CRAMP1: variants seen among roughly 807,000 people sequenced by gnomAD.
CRAMP1 encodes the protein protein cramped-like.
CRAMP1 carries 50 observed loss-of-function variants against 115.4 expected under a neutral mutation model. The ratio of observed to expected loss-of-function variants is 0.43; its 90% CI spans 0.35 to 0.55. The LOEUF is 0.55. Ranked by LOEUF, CRAMP1 falls within the 20% of genes least tolerant of loss-of-function variation. The pLI is 0.01. For synonymous variants in CRAMP1, 866 were observed against 745.4 expected, an observed-to-expected ratio of 1.16 and a Z score of -2.64; for missense variants, 1,679 against 1,721.7, an observed-to-expected ratio of 0.98 and a Z score of 0.44.
chr16:1,652,952 A>G, intron 7 of CRAMP1, 81 bp from the exon 8 acceptor site: 3 of 1,550,930 alleles, frequency 1.9e-6, no homozygotes, highest in Non-Finnish European at 2.6e-6. Context: ...AGCTGATTTC[A>G]CTGGTTTTTC....
intron 6 of CRAMP1, among the ~76,000 whole-genome samples, chr16:1,651,728 G>A (rs999114567): frequency 1.3e-5 from 2 of 150,652 alleles, no homozygotes; most frequent in Non-Finnish European, 3.0e-5. Context: ...ACCTAGAGGT[G>A]GATTGAGGTC....
Position 1,675,208 on chromosome 16 carries a change from C to T in CRAMP1, c.*1163C>T, listed in dbSNP as rs150958488. The T allele has an allele frequency of 6.7e-4, 102 of 152,480 alleles. No homozygotes were observed. Among genetic ancestry groups the T allele is most frequent in the Non-Finnish European group, 1.2e-3 (82 of 68,140 alleles). The allele number at this position is 152,480 out of a possible 1,614,324, so 9.4% of individuals were successfully genotyped here. ...GGGTGGCCAGCGTTCCTACTGCAGA[C>T]GGCCCAACATCCAGTCTTTCCCCAG... On this transcript the variant is annotated 3_prime_UTR_variant, in exon 21 of 21. Coordinates refer to ENST00000397412, the MANE Select transcript of CRAMP1 (RefSeq NM_020825.4).
chr16:1,669,002 T>C lies in CRAMP1; in HGVS notation c.3336T>C (p.Gly1112=), dbSNP rs902163492. The C allele has an allele frequency of 1.2e-5, 20 of 1,612,752 alleles. No individual in the cohort carries two copies. Among genetic ancestry groups the C allele is most frequent in the Non-Finnish European group, 8.5e-7 (1 of 1,179,402 alleles). Residue 1112 remains glycine (G), a splice_region_variant and synonymous_variant, in exon 19 of 21, where the codon GGT becomes GGC. Coordinates refer to ENST00000397412, the MANE Select transcript of CRAMP1 (RefSeq NM_020825.4). This position sits in a 1 kb window ranked among gnomAD's most constrained non-coding sequence, Gnocchi z 4.6. ...CTGATCTGGGATCTTGGTTGGCAGGTGAAGGAGTCCCTCTTTCTCCAGCAA... is the reference window on the plus strand; with the variant it reads ...CTGATCTGGGATCTTGGTTGGCAGGCGAAGGAGTCCCTCTTTCTCCAGCAA... ...IEIAISSGQY[G]EGVPLSPAKL... is the part of the protein sequence containing the mutation.
chr16:1,669,042 G>A lies in CRAMP1; in HGVS notation c.3376G>A (p.Asp1126Asn). Residue 1126 changes from aspartate (D) to asparagine (N), a missense_variant, in exon 19 of 21, where the codon GAC becomes AAC. Around this residue, in one of 8 missense-constraint regions of CRAMP1, gnomAD observed 709 missense variants for 741.9 expected, o/e 0.96. Transcript: ENST00000397412. This position sits in a 1 kb window ranked among gnomAD's most constrained non-coding sequence, Gnocchi z 4.6. The stretch of plus-strand genomic sequence containing the variant: ...TTCTCCAGCAAAACTGAATGGCAGT[G>A]ACAGTTCCAAGAGCCTTCCCTCCCC... ...PLSPAKLNGS[D>N]SSKSLPSPSS... 1 of 1,613,312 alleles carries A rather than the reference G, an allele frequency of 6.2e-7. No individual in the cohort carries two copies. Among genetic ancestry groups the A allele is most frequent in the African/African-American group, 1.3e-5 (1 of 75,036 alleles).
At chr16:1,652,627 G>A (rs1200507316) in intron 7 of CRAMP1, 46 bp downstream of exon 7, 1 of 1,492,504 alleles carries the variant, frequency 6.7e-7, no homozygotes, top group South Asian at 1.2e-5. Flanking sequence ...TGCCCATGGT[G>A]TCCCATTCAA....
At position 1,659,309 on chromosome 16, in the gene CRAMP1, C is replaced by T. The variant is rs559487915; in HGVS notation, c.2236-577C>T. On this transcript the variant is annotated intron_variant, in intron 10 of 20. Transcript: ENST00000397412. The stretch of plus-strand genomic sequence containing the variant: ...CTCCCTCCCACCTCTGCCCGTAGCA[C>T]GTGGAAAGGTACTTGTGAGGAAGGG... Among the ~76,000 whole-genome samples, 7 of 152,262 alleles carry T rather than the reference C, an allele frequency of 4.6e-5. No homozygotes were observed. In the South Asian group the frequency reaches 6.2e-4, roughly 14 times the overall value.
rs140694875 is a variant in CRAMP1, at chr16:1,626,910, C to T, written c.540+744C>T. Among the ~76,000 whole-genome samples, 558 of 152,188 alleles carry T rather than the reference C, an allele frequency of 3.7e-3. 4 individuals carry two copies. Among genetic ancestry groups the T allele is most frequent in the Non-Finnish European group, 6.4e-3 (434 of 68,006 alleles). ...ATGGCCAGGGTCGATGTACTGTCTG[C>T]GGCTGATGCCACTGCAGTGGCATAG... is the stretch of plus-strand genomic sequence containing the variant. On this transcript the variant is annotated intron_variant, in intron 3 of 20. Coordinates refer to ENST00000397412, the MANE Select transcript of CRAMP1 (RefSeq NM_020825.4).
In CRAMP1 at chr16:1,633,342, C is replaced by G. The variant is rs571852657; in HGVS notation, c.694+977C>G. 2.4e-4 allele frequency among the ~76,000 whole-genome samples: 36 copies of G among 152,366 alleles called. 1 individual carries two copies. In the South Asian group the frequency reaches 7.5e-3, roughly 32 times the overall value. On this transcript the variant is annotated intron_variant, in intron 4 of 20. Coordinates refer to ENST00000397412, the MANE Select transcript of CRAMP1 (RefSeq NM_020825.4). ...GGCCGCAGACACCCCCTGCCCACCACGCAGCTAGCTTCTCCACTGAAGAAC... is the reference window on the plus strand; with the variant it reads ...GGCCGCAGACACCCCCTGCCCACCAGGCAGCTAGCTTCTCCACTGAAGAAC...
In CRAMP1 at chr16:1,656,931, A is replaced by C. The variant is rs1045299343; in HGVS notation, c.2174A>C (p.His725Pro). The C allele has an allele frequency of 6.4e-7, 1 of 1,558,790 alleles. No homozygotes were observed. Among genetic ancestry groups the C allele is most frequent in the African/African-American group, 1.4e-5 (1 of 73,288 alleles). Residue 725 changes from histidine to proline, a missense_variant, in exon 10 of 21, where the codon CAC becomes CCC. This residue lies in a region of CRAMP1 where 709 missense variants were observed against 741.9 expected (regional missense o/e 0.96). Coordinates refer to ENST00000397412, the MANE Select transcript of CRAMP1 (RefSeq NM_020825.4). This position sits in a 1 kb window ranked among gnomAD's most constrained non-coding sequence, Gnocchi z 5.6. ...CCCGGCTCCCTACCCACCGCCCTCC[A>C]CAAGCAGCGCCTCCTCAGCTGCCTC... is the stretch of plus-strand genomic sequence containing the variant. ...PRPGSLPTAL[H>P]KQRLLSCLLK...
intron 8 of CRAMP1, among the ~76,000 whole-genome samples, chr16:1,653,458 C>A (rs1211850540): frequency 6.6e-6 from 1 of 152,184 alleles, no homozygotes. Flanking sequence ...CCTCTCCCAC[C>A]CGCTTCTTGG....
chr16:1,657,861 T>G (rs1194852311), intron 10 of CRAMP1, among the ~76,000 whole-genome samples: 1 of 152,126 alleles, frequency 6.6e-6, no homozygotes, highest in East Asian at 1.9e-4. Flanking sequence ...CTGCTGGACA[T>G]GGGCGAGGGG....
In CRAMP1 at chr16:1,658,718, T is replaced by C. The variant is rs2036797729; in HGVS notation, c.2236-1168T>C. On this transcript the variant is annotated intron_variant, in intron 10 of 20. Coordinates refer to ENST00000397412, the MANE Select transcript of CRAMP1 (RefSeq NM_020825.4). ...TGCTGAGCCGCTGTCGCAGGTGGAA[T>C]GAGTAGCATAGGAAGGGTCATGAGG... 2.0e-5 allele frequency among the ~76,000 whole-genome samples: 3 copies of C among 152,022 alleles called. No homozygotes were observed. In the South Asian group the frequency reaches 6.2e-4, roughly 32 times the overall value.
chr16:1,674,128 C>A lies in CRAMP1; in HGVS notation c.*83C>A. 1 of 1,373,852 alleles carries A rather than the reference C, an allele frequency of 7.3e-7. No individual in the cohort carries two copies. The highest frequency in any genetic ancestry group is 1.0e-6 in the Non-Finnish European group (1 of 1,003,644). 85.1% of individuals were successfully genotyped at this position (1,373,852 alleles called of 1,614,324 possible). On this transcript the variant is annotated 3_prime_UTR_variant, in exon 21 of 21. Coordinates refer to ENST00000397412, the MANE Select transcript of CRAMP1 (RefSeq NM_020825.4). ...CAGCAGCCCCAGAAGATGGTCTGAACAGAGGCATCTCCGCACCCAAGACTG... is the reference window on the plus strand; with the variant it reads ...CAGCAGCCCCAGAAGATGGTCTGAAAAGAGGCATCTCCGCACCCAAGACTG...
chr16:1,641,083 G>C, intron 5 of CRAMP1, 56 bp from the exon 6 acceptor site: 2 of 1,220,980 alleles, frequency 1.6e-6, no homozygotes, highest in Non-Finnish European at 2.4e-6. Flanking sequence ...GGAATCTTCA[G>C]TGGCTTTGCT....
chr16:1,626,284 C>T, intron 3 of CRAMP1, 118 bp downstream of exon 3: 1 of 1,001,856 alleles, frequency 1.0e-6, no homozygotes, highest in Non-Finnish European at 1.4e-6. Flanking sequence ...CCTGGGCGAC[C>T]CCCGCAGTGG....
chr16:1,643,366 C>A (rs183265052), intron 6 of CRAMP1, among the ~76,000 whole-genome samples: 1 of 152,128 alleles, frequency 6.6e-6, no homozygotes, highest in Non-Finnish European at 1.5e-5. Flanking sequence ...CATGATGAAA[C>A]CCCGTCTCTG....
chr16:1,655,895 C>T lies in CRAMP1; in HGVS notation c.1138C>T (p.Arg380Trp), dbSNP rs374369637. ...CACTCAGCGGAAGACACTCGAGGAG[C>T]GGCAGCTGCAGGACTCATGCTCCGC... ...EVRVRKTLEE[R>W]QLQDSCSAPM... Residue 380 changes from arginine to tryptophan, a missense_variant, in exon 10 of 21, where the codon CGG becomes TGG. This residue lies in a region of CRAMP1 where 191 missense variants were observed against 236.2 expected (regional missense o/e 0.81). Coordinates refer to ENST00000397412, the MANE Select transcript of CRAMP1 (RefSeq NM_020825.4). 6.2e-6 allele frequency: 10 copies of T among 1,609,018 alleles called. No homozygotes were observed. Among genetic ancestry groups the T allele is most frequent in the African/African-American group, 5.3e-5 (4 of 74,860 alleles).
rs12448164 is a variant in CRAMP1 at position 1,671,390 on chromosome 16, C to T, written c.3645+581C>T. Reference sequence around the variant, plus strand: ...GCGAAACGTGGTTTGTGACTCTCCACTTTTGACGAGATGCAGCGTCCCTCT... The same window carrying T: ...GCGAAACGTGGTTTGTGACTCTCCATTTTTGACGAGATGCAGCGTCCCTCT... On this transcript the variant is annotated intron_variant, in intron 20 of 20. Coordinates refer to ENST00000397412, the MANE Select transcript of CRAMP1 (RefSeq NM_020825.4). This position sits in a 1 kb window ranked among gnomAD's most constrained non-coding sequence, Gnocchi z 5.0. 0.022 allele frequency among the ~76,000 whole-genome samples: 3,335 copies of T among 152,310 alleles called. 226 individuals carry two copies. Among genetic ancestry groups the T allele is most frequent in the Admixed American group, 0.13 (1,962 of 15,292 alleles).
chr16:1,662,647 C>T lies in CRAMP1; in HGVS notation c.2571C>T (p.Phe857=), dbSNP rs779805004. Reference sequence around the variant, plus strand: ...CCAGTAAAGAAGCAGAGCTGACTTTCCGCCAGCATCTGAACTCCATCAGTG... The same window carrying T: ...CCAGTAAAGAAGCAGAGCTGACTTTTCGCCAGCATCTGAACTCCATCAGTG... ...FSPSKEAELT[F]RQHLNSISMQ... is the part of the protein sequence containing the mutation. The change falls in exon 12 of 21, where the codon TTC becomes TTT. Residue 857 remains phenylalanine, a synonymous_variant. Coordinates refer to ENST00000397412, the MANE Select transcript of CRAMP1 (RefSeq NM_020825.4). 3.7e-6 allele frequency: 6 copies of T among 1,613,940 alleles called. No homozygotes were observed. The highest frequency in any genetic ancestry group is 1.1e-5 in the South Asian group (1 of 91,092).
Sources: allele counts gnomAD v4.1 joint callset (sites outside exome capture counted in the v4.1 genomes callset), GRCh38; gene constraint gnomAD v4.1.1; regional missense constraint gnomAD v4.1.1; non-coding constraint Gnocchi (gnomAD v3.1); transcripts MANE v1.5; gene names NCBI Gene and HGNC (gene_info 2026-07-23, HGNC 2026-07-21).